The following AMOTL2 variants were observed in gnomAD, a reference collection of about 807,000 sequenced individuals.
The protein encoded by AMOTL2 is angiomotin-like protein 2.
Under a neutral mutation model 78.4 loss-of-function variants are expected in AMOTL2, and 33 were observed. The ratio of observed to expected loss-of-function variants is 0.42; its 90% CI spans 0.32 to 0.56. The LOEUF is 0.56. Ranked by LOEUF, AMOTL2 falls within the 20% of genes least tolerant of loss-of-function variation. AMOTL2 has a pLI of 0.12. For synonymous variants in AMOTL2, 422 were observed against 428.8 expected, an observed-to-expected ratio of 0.98 and a Z score of 0.20; for missense variants, 983 against 1,030.1, an observed-to-expected ratio of 0.95 and a Z score of 0.63.
rs2017811222 is a variant in AMOTL2 at position 134,370,759 on chromosome 3, A to G, written c.675T>C (p.Ala225=). 1 of 1,518,866 alleles carries G rather than the reference A, an allele frequency of 6.6e-7. No homozygotes were observed. The highest frequency in any genetic ancestry group is 2.3e-5 in the East Asian group (1 of 43,974). The allele number at this position is 1,518,866 out of a possible 1,614,324, so 94.1% of individuals were successfully genotyped here. ...GGGCACGGTACCGTGGGTCAGTGAC[A>G]GCAGTGGTGGTCTCATGAGCTAGTA... The part of the protein sequence containing the change: ...HVVLAHETTT[A]VTDPRYRARG... The change falls in exon 2 of 10, where the codon GCT becomes GCC. Residue 225 remains alanine (A), a synonymous_variant. Coordinates refer to ENST00000249883, the MANE Select transcript of AMOTL2 (RefSeq NM_016201.4).
rs1281423423 is a variant in AMOTL2, at chr3:134,365,879, G to A, written c.1217C>T (p.Ala406Val). ...ERLESANRRL[A>V]SKTQEAQAGS... The stretch of plus-strand genomic sequence containing the variant: ...GGCCTGGGCCTCCTGTGTCTTGCTT[G>A]CCAGGCGGCGATTTGCAGATTCCAA... Residue 406 changes from alanine to valine, a missense_variant, in exon 5 of 10, where the codon GCA (alanine) becomes GTA (valine). Transcript: ENST00000249883. 3.1e-6 allele frequency: 5 copies of A among 1,614,224 alleles called. No individual in the cohort carries two copies. The South Asian group carries it at 5.5e-5, about 18-fold the overall frequency.
rs767947578 is a variant in AMOTL2, at chr3:134,359,488, A to G, written c.1899T>C (p.His633=). The G allele has an allele frequency of 2.6e-5, 42 of 1,613,696 alleles. No homozygotes were observed. Among genetic ancestry groups the G allele is most frequent in the Admixed American group, 5.0e-5 (3 of 60,016 alleles). The part of the protein sequence containing the change: ...QEMESRLKVL[H]AQILEKDAVI... ...CTGCATCCTTCTCCAGGATCTGGGCATGGAGCACCTTTAACCTGAGGGGTG... is the reference window on the plus strand; with the variant it reads ...CTGCATCCTTCTCCAGGATCTGGGCGTGGAGCACCTTTAACCTGAGGGGTG... Residue 633 remains histidine, a synonymous_variant, in exon 8 of 10, where the codon CAT becomes CAC. Coordinates refer to ENST00000249883, the MANE Select transcript of AMOTL2 (RefSeq NM_016201.4).
chr3:134,358,244 G>A (rs150870281), intron 9 of AMOTL2, among the ~76,000 whole-genome samples: 1 of 152,348 alleles, frequency 6.6e-6, no homozygotes, highest in African/African-American at 2.4e-5. Flanking sequence ...AATTAACTAT[G>A]TAGGGAAGAC....
intron 2 of AMOTL2, among the ~76,000 whole-genome samples, chr3:134,369,062 G>T (rs1559802240): frequency 6.6e-6 from 1 of 152,112 alleles, no homozygotes; most frequent in Admixed American, 6.5e-5. Context: ...GCAGCCTATG[G>T]CCCCCCTGCT....
At chr3:134,367,409 C>T in intron 3 of AMOTL2, 88 bp downstream of exon 3, 1 of 1,486,200 alleles carries the variant, frequency 6.7e-7, no homozygotes, top group Non-Finnish European at 9.2e-7. Flanking sequence ...TTTCAGGCTC[C>T]TCTGCCTCTC....
chr3:134,371,723 G>C, intron 1 of AMOTL2: 1 of 638,776 alleles, frequency 1.6e-6, no homozygotes, highest in Non-Finnish European at 2.4e-6. Flanking sequence ...AAAATGCAAA[G>C]AATTCTGCTT....
rs565023057 is a variant in AMOTL2, at chr3:134,360,192, G to C, written c.1797C>G (p.Ile599Met). 14 of 1,614,122 alleles carry C rather than the reference G, an allele frequency of 8.7e-6. No individual in the cohort carries two copies. In the African/African-American group the frequency reaches 1.9e-4, roughly 22 times the overall value. The change falls in exon 7 of 10, where the codon ATC becomes ATG. Residue 599 changes from isoleucine to methionine, a missense_variant. By Grantham distance (10) the Ile-to-Met change is conservative (BLOSUM62 1). Coordinates refer to ENST00000249883, the MANE Select transcript of AMOTL2 (RefSeq NM_016201.4). ...TAAAQRDTTL[I>M]RHSPQPSPSS... ...TGGGTGAGGGCTGGGGGGAATGTCG[G>C]ATGAGAGTGGTGTCACGCTGAGCAG... is the stretch of plus-strand genomic sequence containing the variant.
chr3:134,357,478 G>A lies in AMOTL2; in HGVS notation c.*227C>T, dbSNP rs2017126061. On this transcript the variant is annotated 3_prime_UTR_variant, in exon 10 of 10. Coordinates refer to ENST00000249883, the MANE Select transcript of AMOTL2 (RefSeq NM_016201.4). Reference sequence around the variant, plus strand: ...TCCTCATTCTCCATAAGGCCCGGAGGAATGTGGGCTAAGAAGCAGAGTCTT... The same window carrying A: ...TCCTCATTCTCCATAAGGCCCGGAGAAATGTGGGCTAAGAAGCAGAGTCTT... 1.8e-6 allele frequency: 1 copy of A among 568,594 alleles called. No homozygotes were observed. Among genetic ancestry groups the A allele is most frequent in the Admixed American group, 3.0e-5 (1 of 33,462 alleles). 35.2% of individuals were successfully genotyped at this position (568,594 alleles called of 1,614,324 possible). A position where few individuals can be genotyped will look rare whatever the true frequency, so the allele number is the denominator to read the frequency against.
intron 2 of AMOTL2, chr3:134,368,010 T>C (rs1003926270): frequency 9.9e-6 from 5 of 505,068 alleles, no homozygotes; most frequent in African/African-American, 8.1e-5. Flanking sequence ...TCCAAATGTT[T>C]CTGCCTGAGG....
chr3:134,360,545 C>T lies in AMOTL2; in HGVS notation c.1576-132G>A, dbSNP rs1259499754. ...CATACACAGCATACATTTCCCCATCCTTCCTCTACCGAAATGGGGATACAG... is the reference window on the plus strand; with the variant it reads ...CATACACAGCATACATTTCCCCATCTTTCCTCTACCGAAATGGGGATACAG... On this transcript the variant is annotated intron_variant, in intron 6 of 9. Transcript: ENST00000249883. 4 of 796,264 alleles carry T rather than the reference C, an allele frequency of 5.0e-6. No individual in the cohort carries two copies. In the East Asian group the frequency reaches 1.1e-4, roughly 21 times the overall value. The allele number at this position is 796,264 out of a possible 1,614,324, so 49.3% of individuals were successfully genotyped here.
intron 5 of AMOTL2, among the ~76,000 whole-genome samples, chr3:134,362,035 C>T (rs1387235298): frequency 1.3e-5 from 2 of 152,244 alleles, no homozygotes; most frequent in African/African-American, 4.8e-5. Context: ...GCAGTAACAA[C>T]TGGGCTACCC....
In AMOTL2 at chr3:134,365,799, A is replaced by G. The variant is rs749388097; in HGVS notation, c.1279+18T>C. Reference sequence around the variant, plus strand: ...TGCCTGCACACAGGCCAGGCTTCTTAGTGGGGCCCCTACTCACTCTGAGCA... The same window carrying G: ...TGCCTGCACACAGGCCAGGCTTCTTGGTGGGGCCCCTACTCACTCTGAGCA... On this transcript the variant is annotated intron_variant, in intron 5 of 9. Coordinates refer to ENST00000249883, the MANE Select transcript of AMOTL2 (RefSeq NM_016201.4). The G allele has an allele frequency of 4.3e-6, 7 of 1,611,200 alleles. No homozygotes were observed. The South Asian group carries it at 6.6e-5, about 15-fold the overall frequency.
At chr3:134,373,563 C>T (rs2017962060) in intron 1 of AMOTL2, 1 of 985,556 alleles carries the variant, frequency 1.0e-6, no homozygotes, top group Non-Finnish European at 1.2e-6. Flanking sequence ...CCTTTCTAAG[C>T]CAGCGCGCGT....
Position 134,371,514 on chromosome 3 carries a change from G to C in AMOTL2, c.-61-20C>G. 2 of 1,576,250 alleles carry C rather than the reference G, an allele frequency of 1.3e-6. No individual in the cohort carries two copies. The highest frequency in any genetic ancestry group is 1.7e-6 in the Non-Finnish European group (2 of 1,163,930). On this transcript the variant is annotated intron_variant, in intron 1 of 9. Coordinates refer to ENST00000249883, the MANE Select transcript of AMOTL2 (RefSeq NM_016201.4). ...GAGCACCTGGAGTGGGGTGGGGAGA[G>C]AGAGAGAGAAAAGCAATCAGTGGGA...
intron 8 of AMOTL2, 116 bp downstream of exon 8, chr3:134,359,167 G>T (rs2017222605): frequency 8.8e-7 from 1 of 1,135,544 alleles, no homozygotes; most frequent in Admixed American, 2.0e-5. Flanking sequence ...CCCTGGAAGA[G>T]GGTCAGGAAG....
At position 134,357,671 on chromosome 3, in the gene AMOTL2, G is replaced by A. The variant is rs1460417088; in HGVS notation, c.*34C>T. ...GAGTGGCACAGGGCAGAGGAGGGGA[G>A]AGAATGGCTCAGAGTCCTGAAGCAC... On this transcript the variant is annotated 3_prime_UTR_variant, in exon 10 of 10. Coordinates refer to ENST00000249883, the MANE Select transcript of AMOTL2 (RefSeq NM_016201.4). 14 of 1,610,340 alleles carry A rather than the reference G, an allele frequency of 8.7e-6. No homozygotes were observed. The highest frequency in any genetic ancestry group is 8.5e-6 in the Non-Finnish European group (10 of 1,176,668).
chr3:134,361,739 C>A lies in AMOTL2; in HGVS notation c.1348G>T (p.Asp450Tyr), dbSNP rs1451293174. The change falls in exon 6 of 10, where the codon GAC (aspartate) becomes TAC (tyrosine). Residue 450 changes from aspartate (D) to tyrosine (Y), a missense_variant. Asp to Tyr is a radical substitution (Grantham distance 160, BLOSUM62 -3). Transcript: ENST00000249883. ...EMALLRGAIE[D>Y]QRRRAELLEQ... ...AGCAGCTCGGCACGCCGCCGCTGGT[C>A]CTCGATGGCGCCGCGCAGCAGTGCC... 7 of 1,604,328 alleles carry A rather than the reference C, an allele frequency of 4.4e-6. No individual in the cohort carries two copies. Among genetic ancestry groups the A allele is most frequent in the African/African-American group, 1.3e-5 (1 of 74,680 alleles).
At position 134,356,793 on chromosome 3, in the gene AMOTL2, C is replaced by T. The variant is rs2017101530; in HGVS notation, c.*912G>A. 6.6e-6 allele frequency: 1 copy of T among 152,626 alleles called. No homozygotes were observed. The highest frequency in any genetic ancestry group is 1.5e-5 in the Non-Finnish European group (1 of 68,130). The allele number at this position is 152,626 out of a possible 1,614,324, so 9.5% of individuals were successfully genotyped here. A position where few individuals can be genotyped will look rare whatever the true frequency, so the allele number is the denominator to read the frequency against. On this transcript the variant is annotated 3_prime_UTR_variant, in exon 10 of 10. Coordinates refer to ENST00000249883, the MANE Select transcript of AMOTL2 (RefSeq NM_016201.4). ...TTTATGACCAAACTGACAGGATGTT[C>T]CAGGGACAGGAGCTGTGGAGCCACT...
upstream of AMOTL2, chr3:134,374,884 G>A (rs1312356960): frequency 1.6e-6 from 2 of 1,257,408 alleles, no homozygotes; most frequent in Admixed American, 3.6e-5. Context: ...TGGGGTTGCT[G>A]CGGGAGGGGA....
Sources: gnomAD v4.1 joint callset for allele counts (sites outside exome capture counted in the v4.1 genomes callset) on GRCh38, gnomAD v4.1.1 for gene constraint, MANE v1.5 for transcripts, NCBI Gene and HGNC (gene_info 2026-07-23, HGNC 2026-07-21) for gene names.